UBR4: variants seen among roughly 807,000 people sequenced by gnomAD.
UBR4 encodes the protein E3 ubiquitin-protein ligase UBR4.
A neutral mutation model predicts 575.6 loss-of-function variants in UBR4; 124 were observed. The ratio of observed to expected loss-of-function variants is 0.22; its 90% CI spans 0.19 to 0.25. The LOEUF (loss-of-function observed/expected upper bound fraction) is 0.25. Ranked by LOEUF, UBR4 falls within the 10% of genes least tolerant of loss-of-function variation. The probability of loss-of-function intolerance (pLI) is 1.00; values close to 1 mark genes in which losing one functional copy is unlikely to be tolerated. For synonymous variants in UBR4, 2,455 were observed against 2,473.7 expected (o/e 0.99, Z 0.22); for missense variants, 4,818 against 6,478.8 (o/e 0.74, Z 8.80).
intron 60 of UBR4, among the ~76,000 whole-genome samples, chr1:19,131,530 G>C (rs112291196): frequency 6.6e-5 from 10 of 152,162 alleles, no homozygotes; most frequent in Middle Eastern, 3.4e-3. Context: ...AAAATCCTAA[G>C]ATATAACACC....
chr1:19,095,739 T>C, intron 92 of UBR4, 87 bp from the exon 93 acceptor site: 2 of 1,219,696 alleles, frequency 1.6e-6, no homozygotes, highest in Non-Finnish European at 2.4e-6. Context: ...CTAAGCAGGG[T>C]CTACACCATC....
chr1:19,168,767 G>A (rs959066788), intron 27 of UBR4, among the ~76,000 whole-genome samples: 10 of 152,066 alleles, frequency 6.6e-5, no homozygotes, highest in African/African-American at 1.7e-4. Flanking sequence ...CAGGAGGTCA[G>A]GCGATCGAGA....
At chr1:19,143,325 TA>T (rs1454947089) in intron 55 of UBR4, among the ~76,000 whole-genome samples, 1 of 146,116 alleles carries the variant, frequency 6.8e-6, no homozygotes, top group Non-Finnish European at 1.5e-5. Context: ...AAAGAAAATT[TA>T]AAAGTACATA....
Position 19,152,994 on chromosome 1 carries a change from A to C in UBR4, c.6832+307T>G, listed in dbSNP as rs1557811079. Among the ~76,000 whole-genome samples the C allele has an allele frequency of 6.6e-6, 1 of 152,194 alleles. No individual in the cohort carries two copies. The highest frequency in any genetic ancestry group is 2.4e-5 in the African/African-American group (1 of 41,456). ...TACTCAGTGGGAAATTAACCAGCTG[A>C]AGAGGTCTATACTTCAATCAGTTCT... On this transcript the variant is annotated intron_variant, in intron 46 of 105. Transcript: ENST00000375254. This position sits in a 1 kb window ranked among gnomAD's most constrained non-coding sequence, Gnocchi z 4.4.
intron 25 of UBR4, among the ~76,000 whole-genome samples, chr1:19,172,069 C>T (rs913135726): frequency 4.6e-5 from 7 of 152,180 alleles, no homozygotes; most frequent in African/African-American, 1.7e-4. Context: ...ATTTTATATA[C>T]TGAAATTAAC....
At chr1:19,119,519 T>A (rs774403836) in intron 70 of UBR4, 38 bp downstream of exon 70, 1 of 1,594,358 alleles carries the variant, frequency 6.3e-7, no homozygotes, top group Admixed American at 1.7e-5. Context: ...AGGTTAAATA[T>A]GGCAAGTTGG....
At chr1:19,077,289 T>C (rs767293954) in intron 104 of UBR4, among the ~76,000 whole-genome samples, 1 of 152,200 alleles carries the variant, frequency 6.6e-6, no homozygotes, top group Non-Finnish European at 1.5e-5. Flanking sequence ...TGTCCTGTTA[T>C]AAGCTGGCTG....
Position 19,143,967 on chromosome 1 carries a change from G to T in UBR4, c.8179+13C>A. The T allele has an allele frequency of 6.2e-7, 1 of 1,611,186 alleles. No homozygotes were observed. Among genetic ancestry groups the T allele is most frequent in the South Asian group, 1.1e-5 (1 of 90,996 alleles). ...AAATACAGGCTTGAGCCTAAACCCA[G>T]ACCTCATATTACCCATTGGAGTGTT... On this transcript the variant is annotated intron_variant, in intron 55 of 105. Coordinates refer to ENST00000375254, the MANE Select transcript of UBR4 (RefSeq NM_020765.3).
chr1:19,124,851 A>G lies in UBR4; in HGVS notation c.9439-161T>C, dbSNP rs1265798372. Among the ~76,000 whole-genome samples, 4 of 152,208 alleles carry G rather than the reference A, an allele frequency of 2.6e-5. No homozygotes were observed. The East Asian group carries it at 7.7e-4, about 29-fold the overall frequency. On this transcript the variant is annotated intron_variant, in intron 64 of 105. Coordinates refer to ENST00000375254, the MANE Select transcript of UBR4 (RefSeq NM_020765.3). ...GACTGACAGTTTATTCTATAAACCC[A>G]GAAGGCCCAGGCTTCTGCGGCCAAT...
At chr1:19,160,416 T>C in intron 38 of UBR4, 135 bp from the exon 39 acceptor site, 1 of 845,124 alleles carries the variant, frequency 1.2e-6, no homozygotes, top group South Asian at 1.9e-5. Context: ...ATTCTAGCCA[T>C]CTTCTCATTC....
Position 19,168,110 on chromosome 1 carries a change from A to G in UBR4, c.3816T>C (p.Thr1272=). ...CCAGGGGCAGACTTTGGCTACAGAG[A>G]GTCCCCAGGTGTGCAGCCTGCACTG... ...ISAVQAAHLG[T]LCSQSLPLAA... The change falls in exon 28 of 106, where the codon ACT becomes ACC. Residue 1272 remains threonine (T), a synonymous_variant. Coordinates refer to ENST00000375254, the MANE Select transcript of UBR4 (RefSeq NM_020765.3). The G allele has an allele frequency of 6.2e-7, 1 of 1,613,744 alleles. No individual in the cohort carries two copies. Among genetic ancestry groups the G allele is most frequent in the South Asian group, 1.1e-5 (1 of 91,050 alleles).
At position 19,152,207 on chromosome 1, in the gene UBR4, G is replaced by C. The variant is rs544746184; in HGVS notation, c.6996+106C>G. On this transcript the variant is annotated intron_variant, in intron 47 of 105. Coordinates refer to ENST00000375254, the MANE Select transcript of UBR4 (RefSeq NM_020765.3). This position sits in a 1 kb window ranked among gnomAD's most constrained non-coding sequence, Gnocchi z 4.4. ...TTAACTAGAACCGAGGGTTGTGACT[G>C]TGAGTATATACTCTATACTTGCTTT... 154 of 1,437,814 alleles carry C rather than the reference G, an allele frequency of 1.1e-4. No homozygotes were observed. In the East Asian group the frequency reaches 3.4e-3, roughly 32 times the overall value. 89.1% of individuals were successfully genotyped at this position (1,437,814 alleles called of 1,614,324 possible). A position where few individuals can be genotyped will look rare whatever the true frequency, so the allele number is the denominator to read the frequency against.
rs2082129291 is a variant in UBR4 at position 19,129,040 on chromosome 1, A to G, written c.8941T>C (p.Leu2981=). 1 of 1,614,046 alleles carries G rather than the reference A, an allele frequency of 6.2e-7. No individual in the cohort carries two copies. The highest frequency in any genetic ancestry group is 1.3e-5 in the African/African-American group (1 of 75,010). ...CGTAATTGAGGCAGGGTCTGCAGTA[A>G]TCTCTCCAACAGCATTAGACGGACC... The part of the protein sequence containing the change: ...HMVRLMLLER[L]LQTLPQLRNV... Residue 2981 remains leucine (L), a synonymous_variant, in exon 61 of 106, where the codon TTA becomes CTA. Coordinates refer to ENST00000375254, the MANE Select transcript of UBR4 (RefSeq NM_020765.3).
intron 27 of UBR4, 144 bp downstream of exon 27, chr1:19,169,291 T>C (rs1419336475): frequency 1.4e-5 from 8 of 589,902 alleles, no homozygotes; most frequent in Non-Finnish European, 2.2e-5. Context: ...AATGCATTGA[T>C]TAATGATTCA....
At position 19,199,731 on chromosome 1, in the gene UBR4, C is replaced by A; in HGVS notation, c.298G>T (p.Val100Leu). The change falls in exon 3 of 106, where the codon GTG becomes TTG. Residue 100 changes from valine to leucine, a missense_variant. Transcript: ENST00000375254. ...SLIPRNQLQSVAAACKVLIEF... is the reference protein window; with the variant it reads ...SLIPRNQLQSLAAACKVLIEF... ...ATTAGAACTTTACAGGCTGCTGCCA[C>A]TGACTGAAGTTGGTTCCGGGGAACT... is the stretch of plus-strand genomic sequence containing the variant. The A allele has an allele frequency of 1.9e-6, 3 of 1,614,178 alleles. No individual in the cohort carries two copies. In the South Asian group the frequency reaches 3.3e-5, roughly 18 times the overall value.
In UBR4 at chr1:19,210,196, G is replaced by T; in HGVS notation, c.53C>A (p.Thr18Asn). The T allele has an allele frequency of 6.8e-7, 1 of 1,476,836 alleles. No individual in the cohort carries two copies. Among genetic ancestry groups the T allele is most frequent in the Admixed American group, 2.7e-5 (1 of 36,912 alleles). The allele number at this position is 1,476,836 out of a possible 1,614,324, so 91.5% of individuals were successfully genotyped here. The change falls in exon 1 of 106, where the codon ACC becomes AAC. Residue 18 changes from threonine to asparagine, a missense_variant. Thr to Asn is a moderately conservative substitution (Grantham distance 65). Coordinates refer to ENST00000375254, the MANE Select transcript of UBR4 (RefSeq NM_020765.3). Reference sequence around the variant, plus strand: ...GGTCGTGTCCGCCCCCGTTGCCGGGGTCCCCGGCGCCGGAGCCGCTGCCGC... The same window carrying T: ...GGTCGTGTCCGCCCCCGTTGCCGGGTTCCCCGGCGCCGGAGCCGCTGCCGC... ...EAAAAAPAPGTPATGADTTPG... is the reference protein window; with the variant it reads ...EAAAAAPAPGNPATGADTTPG...
intron 105 of UBR4, 151 bp from the exon 106 acceptor site, chr1:19,075,047 T>C (rs1570019327): frequency 1.3e-6 from 1 of 764,980 alleles, no homozygotes; most frequent in Non-Finnish European, 2.2e-6. Context: ...ACCGGGGAGG[T>C]AGTCATTGAG....
chr1:19,104,764 T>A, intron 85 of UBR4, 98 bp from the exon 86 acceptor site: 1 of 1,297,430 alleles, frequency 7.7e-7, no homozygotes, highest in Non-Finnish European at 1.1e-6. Flanking sequence ...AGACACTCTG[T>A]AGTTACATCT....
chr1:19,124,409 C>T (rs2081510231), intron 65 of UBR4, 132 bp downstream of exon 65: 2 of 1,252,888 alleles, frequency 1.6e-6, no homozygotes, highest in Non-Finnish European at 2.2e-6. Context: ...AGGGCAAGAC[C>T]AAGACCTACA....
Sources: allele counts gnomAD v4.1 joint callset (sites outside exome capture counted in the v4.1 genomes callset), GRCh38; gene constraint gnomAD v4.1.1; non-coding constraint Gnocchi (gnomAD v3.1); transcripts MANE v1.5; gene names NCBI Gene and HGNC (gene_info 2026-07-23, HGNC 2026-07-21).